Variants in GHR observed in about 807,000 individuals in gnomAD.
GHR encodes GH receptor.
Under a neutral mutation model 67.1 loss-of-function variants are expected in GHR, and 35 were observed. That is an observed-to-expected ratio of 0.52 (90% CI 0.40 to 0.69). The LOEUF (loss-of-function observed/expected upper bound fraction) is 0.69. Among genes scored for constraint, GHR ranks in the 30% least tolerant of loss-of-function variants. The pLI is 0.00. For missense variants in GHR, 792 were observed against 764.6 expected (o/e 1.04, Z -0.42); for synonymous variants, 272 against 269.1 (o/e 1.01, Z -0.10).
chr5:42,593,130 A>C (rs931695279), intron 2 of GHR, among the ~76,000 whole-genome samples: 2 of 152,196 alleles, frequency 1.3e-5, no homozygotes, highest in African/African-American at 4.8e-5. Flanking sequence ...TCGATTTTTT[A>C]AAAAACCTTA....
chr5:42,549,668 G>A, intron 1 of GHR: 1 of 985,466 alleles, frequency 1.0e-6, no homozygotes, highest in Non-Finnish European at 1.2e-6. Flanking sequence ...CGGAAGAAAG[G>A]GGAGGTTTGT....
intron 2 of GHR, among the ~76,000 whole-genome samples, chr5:42,589,670 C>T (rs1399966885): frequency 2.0e-5 from 3 of 151,988 alleles, no homozygotes; most frequent in African/African-American, 7.3e-5. Context: ...TCTTTTAGTG[C>T]ATTGTGAATA....
At chr5:42,701,824 T>A (rs899228182) in intron 6 of GHR, among the ~76,000 whole-genome samples, 1 of 152,112 alleles carries the variant, frequency 6.6e-6, no homozygotes, top group African/African-American at 2.4e-5. Flanking sequence ...TTTAGAAAAA[T>A]CTACAACTCA....
chr5:42,583,102 A>G (rs894313233), intron 2 of GHR, among the ~76,000 whole-genome samples: 2 of 152,344 alleles, frequency 1.3e-5, no homozygotes, highest in Admixed American at 1.3e-4. Context: ...AGGAAACACA[A>G]AAGTTTCCAG....
rs529672751 is a variant in GHR at position 42,512,676 on chromosome 5, G to A, written c.-11-53188G>A. On this transcript the variant is annotated intron_variant, in intron 1 of 9. Coordinates refer to ENST00000230882, the MANE Select transcript of GHR (RefSeq NM_000163.5). ...TATTCATTTCTGCATTTTCTTTTCA[G>A]CAATGCTTACACTGTCTTCAAATCC... 3.3e-5 allele frequency among the ~76,000 whole-genome samples: 5 copies of A among 152,042 alleles called. No individual in the cohort carries two copies. In the South Asian group the frequency reaches 1.0e-3, roughly 32 times the overall value.
At chr5:42,706,569 T>C (rs1479823862) in intron 6 of GHR, among the ~76,000 whole-genome samples, 1 of 152,132 alleles carries the variant, frequency 6.6e-6, no homozygotes, top group African/African-American at 2.4e-5. Flanking sequence ...TAGTCGTACA[T>C]GTTGAAAGGA....
intron 1 of GHR, among the ~76,000 whole-genome samples, chr5:42,488,631 C>T (rs1579804402): frequency 6.6e-6 from 1 of 152,058 alleles, no homozygotes; most frequent in East Asian, 1.9e-4. Context: ...TAGGGAAGAC[C>T]TACCAAATAT....
chr5:42,531,337 G>A (rs1217371128), intron 1 of GHR, among the ~76,000 whole-genome samples: 1 of 151,982 alleles, frequency 6.6e-6, no homozygotes, highest in Non-Finnish European at 1.5e-5. Flanking sequence ...TTCTCAGCTG[G>A]GGCTTCTGAG....
intron 4 of GHR, among the ~76,000 whole-genome samples, chr5:42,689,778 T>A (rs1757337338): frequency 6.6e-6 from 1 of 152,160 alleles, no homozygotes; most frequent in South Asian, 2.1e-4. Context: ...TTTACTTTAT[T>A]TGTGGTGGAA....
intron 1 of GHR, among the ~76,000 whole-genome samples, chr5:42,544,589 T>C (rs1415633520): frequency 6.6e-6 from 1 of 152,172 alleles, no homozygotes; most frequent in African/African-American, 2.4e-5. Context: ...AGATGTTTAT[T>C]GTAACATTAC....
intron 2 of GHR, among the ~76,000 whole-genome samples, chr5:42,611,422 C>T (rs72754950): frequency 0.043 from 6,614 of 152,200 alleles, 210 homozygotes; most frequent in Middle Eastern, 0.088. Flanking sequence ...TTCTAAATTA[C>T]TCTTGCTTAC....
intron 3 of GHR, among the ~76,000 whole-genome samples, chr5:42,671,432 A>G (rs1756291468): frequency 6.6e-6 from 1 of 152,056 alleles, no homozygotes; most frequent in African/African-American, 2.4e-5. Context: ...CCCACCTCCA[A>G]CATTGGGCAT....
chr5:42,508,137 T>G (rs1169004334), intron 1 of GHR, among the ~76,000 whole-genome samples: 1 of 152,198 alleles, frequency 6.6e-6, no homozygotes, highest in African/African-American at 2.4e-5. Flanking sequence ...TTCCAAATAC[T>G]CTTGTAAGCA....
chr5:42,432,723 G>A (rs954711311), intron 1 of GHR, among the ~76,000 whole-genome samples: 1 of 152,152 alleles, frequency 6.6e-6, no homozygotes, highest in African/African-American at 2.4e-5. Context: ...ATAAAGGAAA[G>A]GCATCATTTT....
intron 2 of GHR, among the ~76,000 whole-genome samples, chr5:42,599,009 C>T (rs1411204322): frequency 6.6e-6 from 1 of 152,174 alleles, no homozygotes; most frequent in Non-Finnish European, 1.5e-5. Flanking sequence ...CATTTAAAGT[C>T]ATATTATCTG....
At chr5:42,546,004 T>C (rs1446450436) in intron 1 of GHR, among the ~76,000 whole-genome samples, 1 of 152,184 alleles carries the variant, frequency 6.6e-6, no homozygotes, top group Non-Finnish European at 1.5e-5. Context: ...TACTTTTGGT[T>C]TCAGCACACT....
chr5:42,660,907 G>A (rs1680715660), intron 3 of GHR, among the ~76,000 whole-genome samples: 1 of 152,160 alleles, frequency 6.6e-6, no homozygotes, highest in African/African-American at 2.4e-5. Context: ...ACAGAGAAGT[G>A]CTTAAAGGAG....
At chr5:42,531,716 G>A (rs372963502) in intron 1 of GHR, among the ~76,000 whole-genome samples, 41 of 152,208 alleles carry the variant, frequency 2.7e-4, no homozygotes, top group African/African-American at 9.9e-4. Context: ...TATGAAATAT[G>A]TTTTGGCTCT....
chr5:42,528,965 C>T (rs1747830804), intron 1 of GHR, among the ~76,000 whole-genome samples: 1 of 151,618 alleles, frequency 6.6e-6, no homozygotes, highest in East Asian at 1.9e-4. Context: ...TCTTTTTAGA[C>T]ATAATGCTCT....
Sources: gnomAD v4.1 joint callset for allele counts (sites outside exome capture counted in the v4.1 genomes callset) on GRCh38, gnomAD v4.1.1 for gene constraint, MANE v1.5 for transcripts, NCBI Gene and HGNC (gene_info 2026-07-23, HGNC 2026-07-21) for gene names.